Variants in ROBO1 observed in about 807,000 individuals in gnomAD.
ROBO1 encodes the protein roundabout guidance receptor 1.
Under a neutral mutation model 195.9 loss-of-function variants are expected in ROBO1, and 149 were observed. That is an observed-to-expected ratio of 0.76 (90% CI 0.67 to 0.87). ROBO1 has a LOEUF of 0.87. Ranked by LOEUF, ROBO1 falls within the 40% of genes least tolerant of loss-of-function variation. The pLI is 0.00. For synonymous variants in ROBO1, 816 were observed against 733.2 expected, an observed-to-expected ratio of 1.11 and a Z score of -1.82; for missense variants, 1,933 against 2,068.3, an observed-to-expected ratio of 0.93 and a Z score of 1.27.
chr3:78,949,291 T>C (rs1314744886), intron 3 of ROBO1, among the ~76,000 whole-genome samples: 3 of 119,566 alleles, frequency 2.5e-5, no homozygotes, highest in Non-Finnish European at 5.1e-5. Flanking sequence ...CAAAACAGCA[T>C]GGTACTGGTA....
At chr3:79,398,296 G>C (rs1045458759) in intron 2 of ROBO1, among the ~76,000 whole-genome samples, 27 of 152,068 alleles carry the variant, frequency 1.8e-4, no homozygotes, top group African/African-American at 6.0e-4. Context: ...ACTGAAAAAT[G>C]AAAAGAAAGT....
chr3:79,185,421 A>G (rs557314114), intron 2 of ROBO1, among the ~76,000 whole-genome samples: 1 of 152,308 alleles, frequency 6.6e-6, no homozygotes, highest in African/African-American at 2.4e-5. Context: ...GTGTTTCCCT[A>G]TAGTGTAAAT....
intron 2 of ROBO1, among the ~76,000 whole-genome samples, chr3:79,575,758 T>G (rs1404682009): frequency 6.6e-6 from 1 of 151,480 alleles, no homozygotes; most frequent in East Asian, 1.9e-4. Context: ...CATATTTAAG[T>G]GTTTTAACAT....
At chr3:79,358,854 G>C (rs2035660721) in intron 2 of ROBO1, among the ~76,000 whole-genome samples, 1 of 151,946 alleles carries the variant, frequency 6.6e-6, no homozygotes, top group Non-Finnish European at 1.5e-5. Context: ...GCCATTACAA[G>C]TCACTAATGC....
intron 3 of ROBO1, among the ~76,000 whole-genome samples, chr3:79,057,330 T>C (rs4680952): frequency 0.97 from 147,374 of 152,088 alleles, 71,568 homozygotes; most frequent in East Asian, 1. Context: ...AGAGGATATG[T>C]TTATGTTTCA....
chr3:78,836,605 T>G (rs756267565), intron 4 of ROBO1, among the ~76,000 whole-genome samples: 17 of 151,632 alleles, frequency 1.1e-4, no homozygotes, highest in Admixed American at 2.0e-4. Context: ...ATTATAATAA[T>G]AAGAAGAATA....
chr3:78,822,299 C>T (rs1484702457), intron 4 of ROBO1, among the ~76,000 whole-genome samples: 3 of 152,164 alleles, frequency 2.0e-5, no homozygotes, highest in African/African-American at 7.2e-5. Context: ...GTATCATCCA[C>T]TACAACATCC....
At chr3:79,339,205 T>C (rs1249157890) in intron 2 of ROBO1, among the ~76,000 whole-genome samples, 3 of 152,180 alleles carry the variant, frequency 2.0e-5, no homozygotes, top group African/African-American at 7.2e-5. Flanking sequence ...TTGCTCAACT[T>C]CAATTTCTTC....
At chr3:78,779,962 G>A (rs1258816619) in intron 4 of ROBO1, among the ~76,000 whole-genome samples, 1 of 152,134 alleles carries the variant, frequency 6.6e-6, no homozygotes, top group African/African-American at 2.4e-5. Context: ...GCAAGGACAT[G>A]GATGAAGCTG....
intron 3 of ROBO1, among the ~76,000 whole-genome samples, chr3:78,998,290 C>G (rs892910277): frequency 3.9e-5 from 6 of 152,016 alleles, no homozygotes; most frequent in Non-Finnish European, 8.8e-5. Flanking sequence ...GTATTTTAGT[C>G]TAAATAGTAA....
intron 4 of ROBO1, among the ~76,000 whole-genome samples, chr3:78,912,058 A>G (rs2038274838): frequency 6.6e-6 from 1 of 152,114 alleles, no homozygotes; most frequent in African/African-American, 2.4e-5. Context: ...AAGTCTGGAG[A>G]ATATGCAACA....
At chr3:78,673,322 T>C (rs1255188772) in intron 10 of ROBO1, among the ~76,000 whole-genome samples, 1 of 150,784 alleles carries the variant, frequency 6.6e-6, no homozygotes, top group African/African-American at 2.4e-5. Context: ...CTCATTATTG[T>C]CAGTATAAAA....
intron 2 of ROBO1, among the ~76,000 whole-genome samples, chr3:79,224,568 C>A (rs1251758731): frequency 2.0e-5 from 3 of 152,236 alleles, no homozygotes; most frequent in African/African-American, 7.2e-5. Context: ...CTTTACAATG[C>A]TCATAGTACC....
rs113103650 is a variant in ROBO1 at position 79,490,054 on chromosome 3, C to T, written c.88+99770G>A. Among the ~76,000 whole-genome samples, 1,177 of 152,274 alleles carry T rather than the reference C, an allele frequency of 7.7e-3. 9 individuals are homozygous for T. Among genetic ancestry groups the T allele is most frequent in the African/African-American group, 0.027 (1,108 of 41,548 alleles). ...TTGAAGCCGAGGACTTTGAATACTA[C>T]TTAAAAATTGAGATGCATTGTTATT... On this transcript the variant is annotated intron_variant, in intron 2 of 30. Transcript: ENST00000464233.
intron 2 of ROBO1, among the ~76,000 whole-genome samples, chr3:79,236,047 T>G (rs2082401053): frequency 6.6e-6 from 1 of 152,124 alleles, no homozygotes; most frequent in African/African-American, 2.4e-5. Context: ...ACTTCTGTTT[T>G]TTAGACTCTT....
chr3:78,652,753 C>A (rs1433558187), intron 18 of ROBO1, among the ~76,000 whole-genome samples: 11 of 151,600 alleles, frequency 7.3e-5, no homozygotes, highest in Admixed American at 5.9e-4. Context: ...CATTTTGATT[C>A]ATTATTTAAA....
At chr3:78,914,290 G>A (rs2038425170) in intron 4 of ROBO1, among the ~76,000 whole-genome samples, 1 of 152,044 alleles carries the variant, frequency 6.6e-6, no homozygotes, top group African/African-American at 2.4e-5. Context: ...GAAAGAAATA[G>A]ACAGTATACG....
intron 2 of ROBO1, among the ~76,000 whole-genome samples, chr3:79,394,523 CAGATAT>C (rs1185290156): frequency 6.6e-6 from 1 of 151,636 alleles, no homozygotes; most frequent in Non-Finnish European, 1.5e-5. Context: ...AACATATATA[CAGATAT>C]AGATATAAAT....
At chr3:79,761,260 A>G (rs1704684062) in intron 1 of ROBO1, among the ~76,000 whole-genome samples, 1 of 150,860 alleles carries the variant, frequency 6.6e-6, no homozygotes, top group Non-Finnish European at 1.5e-5. Flanking sequence ...TCATAAAAAA[A>G]TATTTCCAAG....
Sources: gnomAD v4.1 joint callset for allele counts (sites outside exome capture counted in the v4.1 genomes callset) on GRCh38, gnomAD v4.1.1 for gene constraint, MANE v1.5 for transcripts, NCBI Gene and HGNC (gene_info 2026-07-23, HGNC 2026-07-21) for gene names.